The following AFF3 variants were observed in gnomAD, a reference collection of about 807,000 sequenced individuals.
AFF3 encodes AF4/FMR2 family member 3.
AFF3 carries 32 observed loss-of-function variants against 129.7 expected under a neutral mutation model. That is an observed-to-expected ratio of 0.25 (90% CI 0.19 to 0.33). The LOEUF (loss-of-function observed/expected upper bound fraction) is 0.33. Among genes scored for constraint, AFF3 ranks in the 10% least tolerant of loss-of-function variants. The probability of loss-of-function intolerance (pLI) is 1.00; values close to 1 mark genes in which losing one functional copy is unlikely to be tolerated. For missense variants in AFF3, 1,373 were observed against 1,592.0 expected (o/e 0.86, Z 2.34); for synonymous variants, 644 against 635.4 (o/e 1.01, Z -0.20).
intron 8 of AFF3, among the ~76,000 whole-genome samples, chr2:99,797,152 G>A (rs1164453217): frequency 6.6e-6 from 1 of 152,148 alleles, no homozygotes; most frequent in Non-Finnish European, 1.5e-5. Context: ...AGACAACCCA[G>A]AAAGGCCACA....
intron 7 of AFF3, among the ~76,000 whole-genome samples, chr2:99,994,165 A>T (rs557516931): frequency 6.6e-6 from 1 of 152,290 alleles, no homozygotes; most frequent in African/African-American, 2.4e-5. Context: ...ACGCAGACTG[A>T]AAGAACACTC....
rs755837730 is a variant in AFF3 at position 100,026,286 on chromosome 2, C to T, written c.54-17354G>A. 2.0e-5 allele frequency among the ~76,000 whole-genome samples: 3 copies of T among 152,154 alleles called. No homozygotes were observed. In the South Asian group the frequency reaches 6.2e-4, roughly 32 times the overall value. ...AGATGTTATACAAATGGCCAACAAACATATGAAAAAATGCTCAACATCACT... is the reference window on the plus strand; with the variant it reads ...AGATGTTATACAAATGGCCAACAAATATATGAAAAAATGCTCAACATCACT... On this transcript the variant is annotated intron_variant, in intron 4 of 24. Transcript: ENST00000672756.
At chr2:99,706,061 A>C (rs565004485) in intron 11 of AFF3, among the ~76,000 whole-genome samples, 8 of 152,116 alleles carry the variant, frequency 5.3e-5, no homozygotes, top group Admixed American at 2.0e-4. Context: ...GAGGGGGCCC[A>C]GGAAGCAGCA....
chr2:99,911,426 T>C (rs1695109901), intron 7 of AFF3, among the ~76,000 whole-genome samples: 1 of 151,852 alleles, frequency 6.6e-6, no homozygotes, highest in Admixed American at 6.6e-5. Flanking sequence ...GCACTTTTTA[T>C]GCTGAGGGAC....
In AFF3 at chr2:99,932,368, G is replaced by T. The variant is rs180813445; in HGVS notation, c.873+74264C>A. Among the ~76,000 whole-genome samples the T allele has an allele frequency of 1.6e-3, 245 of 152,232 alleles. 1 individual carries two copies. Among genetic ancestry groups the T allele is most frequent in the South Asian group, 5.0e-3 (24 of 4,828 alleles). On this transcript the variant is annotated intron_variant, in intron 7 of 24. Coordinates refer to ENST00000672756, the MANE Select transcript of AFF3 (RefSeq NM_001386135.1). ...TCTGCTCATCCTTCTTTGAGAAAGCGCATTTCAGAAGCTATTTCTCCTCAT... is the reference window on the plus strand; with the variant it reads ...TCTGCTCATCCTTCTTTGAGAAAGCTCATTTCAGAAGCTATTTCTCCTCAT...
At chr2:99,816,798 G>T (rs570264113) in intron 8 of AFF3, among the ~76,000 whole-genome samples, 1 of 152,056 alleles carries the variant, frequency 6.6e-6, no homozygotes, top group Non-Finnish European at 1.5e-5. Flanking sequence ...CAGATATACC[G>T]TAATGTTAGG....
intron 7 of AFF3, among the ~76,000 whole-genome samples, chr2:99,906,872 C>CACAA (rs1694757102): frequency 6.6e-6 from 1 of 151,782 alleles, no homozygotes; most frequent in Non-Finnish European, 1.5e-5. Context: ...CACACACACA[C>CACAA]AATCTATGTA....
intron 13 of AFF3, among the ~76,000 whole-genome samples, chr2:99,623,425 C>T (rs1197867580): frequency 1.3e-5 from 2 of 152,172 alleles, no homozygotes; most frequent in African/African-American, 2.4e-5. Context: ...AATACTCATG[C>T]GGTGAGTGTA....
chr2:99,909,773 G>A (rs572695632), intron 7 of AFF3, among the ~76,000 whole-genome samples: 4 of 152,194 alleles, frequency 2.6e-5, no homozygotes, highest in South Asian at 2.1e-4. Flanking sequence ...CAACTTTCAC[G>A]TAAATTATGC....
chr2:99,883,499 C>A lies in AFF3; in HGVS notation c.874-45975G>T, dbSNP rs528817851. On this transcript the variant is annotated intron_variant, in intron 7 of 24. Transcript: ENST00000672756. The stretch of plus-strand genomic sequence containing the variant: ...ATCTCTGGCCCAGAATAAATCTTAG[C>A]CTTTAAGAATAAATTCTCTTCTGAA... Among the ~76,000 whole-genome samples the A allele has an allele frequency of 5.3e-5, 8 of 152,292 alleles. No homozygotes were observed. In the East Asian group the frequency reaches 1.4e-3, roughly 26 times the overall value.
intron 8 of AFF3, among the ~76,000 whole-genome samples, chr2:99,819,629 G>C (rs964053170): frequency 5.3e-5 from 8 of 152,218 alleles, no homozygotes; most frequent in Admixed American, 5.2e-4. Flanking sequence ...AGCAATAGAT[G>C]TAACAAGCAT....
At chr2:99,819,620 G>C (rs1395888418) in intron 8 of AFF3, among the ~76,000 whole-genome samples, 2 of 152,198 alleles carry the variant, frequency 1.3e-5, no homozygotes, top group Non-Finnish European at 2.9e-5. Context: ...AATTTATCCA[G>C]CAATAGATGT....
intron 8 of AFF3, among the ~76,000 whole-genome samples, chr2:99,827,975 G>T (rs1688219714): frequency 6.6e-6 from 1 of 152,160 alleles, no homozygotes; most frequent in Non-Finnish European, 1.5e-5. Context: ...GACGAGGACA[G>T]TGACAAGGAG....
At chr2:99,921,112 CAAAAG>C (rs781216684) in intron 7 of AFF3, among the ~76,000 whole-genome samples, 10 of 152,068 alleles carry the variant, frequency 6.6e-5, no homozygotes, top group Non-Finnish European at 1.0e-4. Flanking sequence ...AAAGTTTTCT[CAAAAG>C]AAAACACATA....
chr2:100,001,823 A>G (rs1274106736), intron 7 of AFF3, among the ~76,000 whole-genome samples: 3 of 152,248 alleles, frequency 2.0e-5, no homozygotes, highest in Non-Finnish European at 4.4e-5. Flanking sequence ...CGACCTTCAG[A>G]ACGACCCATC....
chr2:99,725,096 G>A (rs1679255794), intron 11 of AFF3, among the ~76,000 whole-genome samples: 1 of 151,904 alleles, frequency 6.6e-6, no homozygotes, highest in South Asian at 2.1e-4. Context: ...TCAGCCACCT[G>A]AGTAGCTGAG....
chr2:99,895,553 A>G (rs1693873609), intron 7 of AFF3, among the ~76,000 whole-genome samples: 1 of 152,166 alleles, frequency 6.6e-6, no homozygotes, highest in Non-Finnish European at 1.5e-5. Flanking sequence ...CACCAGGCTC[A>G]TGGCAGACAG....
rs3111904 is a variant in AFF3 at position 100,104,500 on chromosome 2, G to C, written c.-46C>G. Reference sequence around the variant, plus strand: ...CCGCCGCCGCTACCGCCGCCGCCGAGGCTCGGGCCGCCCGCGCGCTGCAAC... The same window carrying C: ...CCGCCGCCGCTACCGCCGCCGCCGACGCTCGGGCCGCCCGCGCGCTGCAAC... On this transcript the variant is annotated 5_prime_UTR_variant, in exon 4 of 25. Transcript: ENST00000672756. 6.2e-6 allele frequency: 8 copies of C among 1,284,020 alleles called. No homozygotes were observed. In the African/African-American group the frequency reaches 1.1e-4, roughly 18 times the overall value. 79.5% of individuals were successfully genotyped at this position (1,284,020 alleles called of 1,614,324 possible). A position where few individuals can be genotyped will look rare whatever the true frequency, so the allele number is the denominator to read the frequency against.
chr2:99,809,782 T>C (rs756860381), intron 8 of AFF3, among the ~76,000 whole-genome samples: 1 of 152,222 alleles, frequency 6.6e-6, no homozygotes, highest in Non-Finnish European at 1.5e-5. Context: ...TTTGTTAACT[T>C]GCACACTTCC....
Sources: allele counts gnomAD v4.1 joint callset (sites outside exome capture counted in the v4.1 genomes callset), GRCh38; gene constraint gnomAD v4.1.1; transcripts MANE v1.5; gene names NCBI Gene and HGNC (gene_info 2026-07-23, HGNC 2026-07-21).